KCNN3: variants seen among roughly 807,000 people sequenced by gnomAD.
KCNN3 encodes small conductance calcium-activated potassium channel protein 3.
Under a neutral mutation model 62.9 loss-of-function variants are expected in KCNN3, and 16 were observed. The ratio of observed to expected loss-of-function variants is 0.25; its 90% CI spans 0.17 to 0.39. The LOEUF (loss-of-function observed/expected upper bound fraction) is 0.39. Ranked by LOEUF, KCNN3 falls within the 10% of genes least tolerant of loss-of-function variation. KCNN3 has a pLI of 1.00. For missense variants in KCNN3, 599 were observed against 949.4 expected (o/e 0.63, Z 4.85); for synonymous variants, 370 against 389.2 (o/e 0.95, Z 0.58).
chr1:154,822,258 A>T, intron 1 of KCNN3, 74 bp from the exon 2 acceptor site: 1 of 1,125,760 alleles, frequency 8.9e-7, no homozygotes, highest in South Asian at 1.3e-5. Flanking sequence ...GCGGCTGTGT[A>T]AAAGAGAAGG....
intron 3 of KCNN3, among the ~76,000 whole-genome samples, chr1:154,744,617 T>A (rs568556074): frequency 6.6e-6 from 1 of 152,320 alleles, no homozygotes; most frequent in East Asian, 1.9e-4. Flanking sequence ...GGAAAGAGAC[T>A]TTCATGGAGT....
chr1:154,725,798 C>T (rs1700450175), intron 5 of KCNN3, 118 bp downstream of exon 5: 2 of 749,380 alleles, frequency 2.7e-6, no homozygotes, highest in Non-Finnish European at 2.4e-6. Context: ...CCTCCTCAGC[C>T]TCCTAAAGTG....
intron 1 of KCNN3, among the ~76,000 whole-genome samples, chr1:154,858,795 T>C (rs1652638966): frequency 6.6e-6 from 1 of 151,038 alleles, no homozygotes; most frequent in African/African-American, 2.4e-5. Context: ...GGTCTTGAGG[T>C]CCTGGACTCA....
chr1:154,731,856 A>G (rs937361398), intron 4 of KCNN3, among the ~76,000 whole-genome samples: 7 of 152,182 alleles, frequency 4.6e-5, no homozygotes, highest in Non-Finnish European at 1.0e-4. Flanking sequence ...ACCCAGGCTT[A>G]GATGTGCTTT....
intron 2 of KCNN3, among the ~76,000 whole-genome samples, chr1:154,774,892 C>T (rs750705679): frequency 4.6e-5 from 7 of 152,220 alleles, no homozygotes; most frequent in Non-Finnish European, 8.8e-5. Context: ...GCTGCAAGGC[C>T]GGAAGAAACT....
At chr1:154,733,593 G>T (rs1182570177) in intron 3 of KCNN3, among the ~76,000 whole-genome samples, 1 of 152,188 alleles carries the variant, frequency 6.6e-6, no homozygotes, top group Non-Finnish European at 1.5e-5. Flanking sequence ...TTTCCTCTAA[G>T]AAAGTTGAAG....
chr1:154,841,457 T>G (rs760771427), intron 1 of KCNN3, among the ~76,000 whole-genome samples: 156 of 152,148 alleles, frequency 1.0e-3, no homozygotes, highest in Non-Finnish European at 1.3e-3. Context: ...CAGCATTTTT[T>G]TAAAGATCCC....
rs960483055 is a variant in KCNN3 at position 154,705,172 on chromosome 1, C to T, written c.*2804G>A. The stretch of plus-strand genomic sequence containing the variant: ...ACATGAGAATCCACCTGCCCCTTTT[C>T]CCATCTGACTGTGATGCTGAGGTGT... On this transcript the variant is annotated 3_prime_UTR_variant, in exon 8 of 8. Transcript: ENST00000271915. 7.9e-5 allele frequency: 12 copies of T among 152,282 alleles called. No homozygotes were observed. The highest frequency in any genetic ancestry group is 2.9e-4 in the African/African-American group (12 of 41,540). The allele number at this position is 152,282 out of a possible 1,614,324, so 9.4% of individuals were successfully genotyped here. A position where few individuals can be genotyped will look rare whatever the true frequency, so the allele number is the denominator to read the frequency against.
chr1:154,829,068 G>A (rs1651272911), intron 1 of KCNN3, among the ~76,000 whole-genome samples: 1 of 152,202 alleles, frequency 6.6e-6, no homozygotes, highest in Admixed American at 6.5e-5. Context: ...GAGCTCCCAG[G>A]AGCTCATCCC....
chr1:154,708,512 A>C (rs958354475), intron 7 of KCNN3, among the ~76,000 whole-genome samples: 2 of 152,064 alleles, frequency 1.3e-5, no homozygotes, highest in Non-Finnish European at 2.9e-5. Context: ...GAAAATATGC[A>C]CCAAGGGGAA....
At chr1:154,852,362 C>G (rs981217924) in intron 1 of KCNN3, among the ~76,000 whole-genome samples, 1 of 150,104 alleles carries the variant, frequency 6.7e-6, no homozygotes, top group Middle Eastern at 3.2e-3. Flanking sequence ...TGCCACACAC[C>G]CAGCTAATTT....
At chr1:154,863,959 C>T (rs1652864413) in intron 1 of KCNN3, among the ~76,000 whole-genome samples, 1 of 152,238 alleles carries the variant, frequency 6.6e-6, no homozygotes, top group Admixed American at 6.5e-5. Context: ...GACTCATTTA[C>T]AGACTGTCCA....
chr1:154,812,671 A>C (rs769643363), intron 2 of KCNN3, among the ~76,000 whole-genome samples: 24 of 152,152 alleles, frequency 1.6e-4, no homozygotes, highest in Non-Finnish European at 3.2e-4. Flanking sequence ...CACTTACTCT[A>C]TTATCCTGAA....
intron 3 of KCNN3, among the ~76,000 whole-genome samples, chr1:154,768,510 G>C (rs567838207): frequency 1.3e-5 from 2 of 152,186 alleles, no homozygotes; most frequent in Non-Finnish European, 1.5e-5. Context: ...GGAAGTTCCC[G>C]GATGCAGTGG....
intron 3 of KCNN3, among the ~76,000 whole-genome samples, chr1:154,763,363 A>C (rs1018912826): frequency 6.6e-6 from 1 of 151,370 alleles, no homozygotes; most frequent in Non-Finnish European, 1.5e-5. Flanking sequence ...TTCTCTGTTC[A>C]TTTTTTTCTG....
chr1:154,716,369 G>A (rs1262746732), intron 5 of KCNN3, among the ~76,000 whole-genome samples: 2 of 152,234 alleles, frequency 1.3e-5, no homozygotes, highest in African/African-American at 4.8e-5. Flanking sequence ...AAATAAGTAG[G>A]CCAGCCTAAT....
chr1:154,780,305 A>T lies in KCNN3; in HGVS notation c.1030-7912T>A, dbSNP rs544362050. Among the ~76,000 whole-genome samples, 86 of 102,708 alleles carry T rather than the reference A, an allele frequency of 8.4e-4. 1 individual carries two copies. In the South Asian group the frequency reaches 8.8e-3, roughly 11 times the overall value. The allele number at this position is 102,708 out of a possible 152,430, so 67.4% of individuals were successfully genotyped here. On this transcript the variant is annotated intron_variant, in intron 2 of 7. Coordinates refer to ENST00000271915, the MANE Select transcript of KCNN3 (RefSeq NM_002249.6). ...AGACTTGAGACCTTTCTGATTTTTT[A>T]TTTAAGCAAAATCTGTCATTAAAAT...
chr1:154,788,160 A>C (rs1702179), intron 2 of KCNN3, among the ~76,000 whole-genome samples: 1 of 152,190 alleles, frequency 6.6e-6, no homozygotes, highest in Non-Finnish European at 1.5e-5. Context: ...CAGGAGCAGC[A>C]GCAGCTGCAT....
intron 2 of KCNN3, among the ~76,000 whole-genome samples, chr1:154,790,804 C>G (rs1649481136): frequency 2.0e-5 from 3 of 152,152 alleles, no homozygotes; most frequent in Admixed American, 2.0e-4. Context: ...AGACATCCAC[C>G]AGGGATCTTG....
Sources: gnomAD v4.1 joint callset for allele counts (sites outside exome capture counted in the v4.1 genomes callset) on GRCh38, gnomAD v4.1.1 for gene constraint, MANE v1.5 for transcripts, NCBI Gene and HGNC (gene_info 2026-07-23, HGNC 2026-07-21) for gene names.